The following PPIP5K2 variants were observed in gnomAD, a reference collection of about 807,000 sequenced individuals.
PPIP5K2 encodes the protein diphosphoinositol pentakisphosphate kinase 2, also known as inositol hexakisphosphate and diphosphoinositol-pentakisphosphate kinase 2.
A neutral mutation model predicts 154.6 loss-of-function variants in PPIP5K2; 105 were observed. The ratio of observed to expected loss-of-function variants is 0.68; its 90% CI spans 0.58 to 0.80. PPIP5K2 has a LOEUF of 0.80. PPIP5K2 is among the 30% of genes least tolerant of loss of function. The probability of loss-of-function intolerance (pLI) is 0.00; values close to 1 mark genes in which losing one functional copy is unlikely to be tolerated. For missense variants in PPIP5K2, 992 were observed against 1,504.6 expected, an observed-to-expected ratio of 0.66 and a Z score of 5.64; for synonymous variants, 480 against 490.3, an observed-to-expected ratio of 0.98 and a Z score of 0.28.
At chr5:103,162,527 T>C (rs1410280224) in intron 17 of PPIP5K2, among the ~76,000 whole-genome samples, 3 of 151,952 alleles carry the variant, frequency 2.0e-5, no homozygotes, top group Non-Finnish European at 2.9e-5. Flanking sequence ...CATGCTCAGC[T>C]AACTTTTTAA....
At chr5:103,147,629 A>G (rs534374321) in intron 6 of PPIP5K2, among the ~76,000 whole-genome samples, 2 of 152,070 alleles carry the variant, frequency 1.3e-5, no homozygotes, top group Admixed American at 1.3e-4. Flanking sequence ...ACACAATGGA[A>G]AATTCTAGAG....
At chr5:103,170,357 T>C (rs749345916) in intron 19 of PPIP5K2, among the ~76,000 whole-genome samples, 5 of 151,600 alleles carry the variant, frequency 3.3e-5, no homozygotes, top group Non-Finnish European at 7.4e-5. Context: ...GTTATGGTGA[T>C]TCTCTTTGCT....
At chr5:103,151,795 C>A (rs1033228061) in intron 9 of PPIP5K2, among the ~76,000 whole-genome samples, 18 of 151,930 alleles carry the variant, frequency 1.2e-4, no homozygotes, top group African/African-American at 4.1e-4. Flanking sequence ...ATTCATTCTA[C>A]AAGCATATGT....
intron 2 of PPIP5K2, among the ~76,000 whole-genome samples, chr5:103,131,829 G>A (rs1790670167): frequency 1.3e-5 from 2 of 152,082 alleles, no homozygotes; most frequent in African/African-American, 4.8e-5. Flanking sequence ...TTACCTAACA[G>A]AGAAACTCTG....
In PPIP5K2 at chr5:103,167,212, T is replaced by G; in HGVS notation, c.1954T>G (p.Ser652Ala). 3 of 1,588,476 alleles carry G rather than the reference T, an allele frequency of 1.9e-6. No individual in the cohort carries two copies. Among genetic ancestry groups the G allele is most frequent in the Non-Finnish European group, 2.6e-6 (3 of 1,166,146 alleles). The change falls in exon 18 of 31, where the codon TCA becomes GCA. Residue 652 changes from serine (S) to alanine (A), a missense_variant. Physicochemically the swap from Ser to Ala is moderately conservative, Grantham distance 99. Around this residue, in one of 9 missense-constraint regions of PPIP5K2, gnomAD observed 82 missense variants for 91.8 expected, o/e 0.89. Transcript: ENST00000358359. ...TPSGSISLIK[S>A]MHLIKNPVKT... is the part of the protein sequence containing the mutation. Reference sequence around the variant, plus strand: ...ATCTGGAAGCATTTCTCTTATCAAATCAATGCATTTAATTAAAAACCCTGT... The same window carrying G: ...ATCTGGAAGCATTTCTCTTATCAAAGCAATGCATTTAATTAAAAACCCTGT...
intron 5 of PPIP5K2, 149 bp from the exon 6 acceptor site, chr5:103,146,378 A>G: frequency 1.3e-6 from 1 of 784,524 alleles, no homozygotes; most frequent in African/African-American, 1.8e-5. Flanking sequence ...CATGTTATTT[A>G]CATAAACATG....
Position 103,205,808 on chromosome 5 carries a change from C to A in PPIP5K2, c.*4174C>A, listed in dbSNP as rs1298114889. The A allele has an allele frequency of 6.6e-6, 1 of 151,986 alleles. No individual in the cohort carries two copies. The highest frequency in any genetic ancestry group is 1.5e-5 in the Non-Finnish European group (1 of 68,008). 9.4% of individuals were successfully genotyped at this position (151,986 alleles called of 1,614,324 possible). ...AAATGTCCTTTTTGTCCATTGGATA[C>A]TTTTTGTTCTATAAATTGTCAGATA... On this transcript the variant is annotated 3_prime_UTR_variant, in exon 31 of 31. Coordinates refer to ENST00000358359, the MANE Select transcript of PPIP5K2 (RefSeq NM_001276277.3).
rs1048851224 is a variant in PPIP5K2, at chr5:103,205,413, C to A, written c.*3779C>A. ...TTCTAGTTCTAGATCCTTGAGGAAT[C>A]GCCACACTGTCTTCCACAATGGTTG... On this transcript the variant is annotated 3_prime_UTR_variant, in exon 31 of 31. Transcript: ENST00000358359. The A allele has an allele frequency of 6.6e-6, 1 of 152,176 alleles. No homozygotes were observed. The highest frequency in any genetic ancestry group is 1.5e-5 in the Non-Finnish European group (1 of 68,030). 9.4% of individuals were successfully genotyped at this position (152,176 alleles called of 1,614,324 possible).
intron 5 of PPIP5K2, among the ~76,000 whole-genome samples, chr5:103,139,437 A>T (rs1255095129): frequency 6.6e-6 from 1 of 152,144 alleles, no homozygotes; most frequent in African/African-American, 2.4e-5. Flanking sequence ...AGTCAGCAAG[A>T]GTTTGTAGCA....
At chr5:103,179,046 T>C (rs1799129008) in intron 23 of PPIP5K2, among the ~76,000 whole-genome samples, 1 of 151,952 alleles carries the variant, frequency 6.6e-6, no homozygotes, top group South Asian at 2.1e-4. Context: ...TAATTTACCC[T>C]TAGAGTCATC....
rs1197801811 is a variant in PPIP5K2, at chr5:103,207,461, C to T, written c.*5827C>T. 1 of 152,074 alleles carries T rather than the reference C, an allele frequency of 6.6e-6. No homozygotes were observed. The highest frequency in any genetic ancestry group is 1.5e-5 in the Non-Finnish European group (1 of 68,008). The allele number at this position is 152,074 out of a possible 1,614,324, so 9.4% of individuals were successfully genotyped here. On this transcript the variant is annotated 3_prime_UTR_variant, in exon 31 of 31. Coordinates refer to ENST00000358359, the MANE Select transcript of PPIP5K2 (RefSeq NM_001276277.3). ...GCATGGATAATGGATACATAATCAG[C>T]AATGTATGCTGTATACTACACTTGC...
intron 3 of PPIP5K2, among the ~76,000 whole-genome samples, chr5:103,134,658 T>C (rs1246172756): frequency 1.3e-5 from 2 of 152,200 alleles, no homozygotes; most frequent in Non-Finnish European, 2.9e-5. Context: ...ATTAGTGTTA[T>C]ATTTGCCTGT....
chr5:103,172,698 A>G (rs1798139981), intron 19 of PPIP5K2, among the ~76,000 whole-genome samples: 1 of 151,832 alleles, frequency 6.6e-6, no homozygotes. Flanking sequence ...TTAAAACTTT[A>G]AAAATATTGG....
intron 26 of PPIP5K2, among the ~76,000 whole-genome samples, chr5:103,185,527 A>G (rs1800223121): frequency 6.6e-6 from 1 of 152,096 alleles, no homozygotes; most frequent in African/African-American, 2.4e-5. Context: ...TTCCTACAGT[A>G]TATTTATAGA....
chr5:103,144,180 A>G (rs1309980951), intron 5 of PPIP5K2, among the ~76,000 whole-genome samples: 2 of 152,138 alleles, frequency 1.3e-5, no homozygotes, highest in Non-Finnish European at 2.9e-5. Flanking sequence ...AATCCCATTT[A>G]CAATAGCTAC....
rs909670521 is a variant in PPIP5K2, at chr5:103,207,079, A to G, written c.*5445A>G. 1 of 152,306 alleles carries G rather than the reference A, an allele frequency of 6.6e-6. No homozygotes were observed. The allele number at this position is 152,306 out of a possible 1,614,324, so 9.4% of individuals were successfully genotyped here. A position where few individuals can be genotyped will look rare whatever the true frequency, so the allele number is the denominator to read the frequency against. On this transcript the variant is annotated 3_prime_UTR_variant, in exon 31 of 31. Transcript: ENST00000358359. ...TAGGAATGCAGCTAGGTTTATAGAC[A>G]TGGCCAGCCCAGGGGGTCCTGAGCA...
intron 25 of PPIP5K2, 193 bp from the exon 26 acceptor site, chr5:103,184,479 A>G (rs1580408853): frequency 6.1e-6 from 3 of 490,338 alleles, no homozygotes; most frequent in East Asian, 6.6e-5. Flanking sequence ...GCACCACTTC[A>G]TTGCAAGGAC....
At chr5:103,150,204 G>C (rs1240188146) in intron 8 of PPIP5K2, among the ~76,000 whole-genome samples, 2 of 151,990 alleles carry the variant, frequency 1.3e-5, no homozygotes, top group African/African-American at 4.8e-5. Context: ...TAATTATTTT[G>C]TGCCTTAATA....
chr5:103,179,305 C>G (rs1799158101), intron 23 of PPIP5K2, among the ~76,000 whole-genome samples: 1 of 151,876 alleles, frequency 6.6e-6, no homozygotes, highest in Admixed American at 6.6e-5. Context: ...AATGTAGTTG[C>G]ATTTAGTTTT....
Sources: allele counts gnomAD v4.1 joint callset (sites outside exome capture counted in the v4.1 genomes callset), GRCh38; gene constraint gnomAD v4.1.1; regional missense constraint gnomAD v4.1.1; transcripts MANE v1.5; gene names NCBI Gene and HGNC (gene_info 2026-07-23, HGNC 2026-07-21).